The following SAMD12 variants were observed in gnomAD, a reference collection of about 807,000 sequenced individuals.
SAMD12 encodes the protein sterile alpha motif domain-containing protein 12.
SAMD12 carries 9 observed loss-of-function variants against 15.0 expected under a neutral mutation model. The ratio of observed to expected loss-of-function variants is 0.60; its 90% CI spans 0.36 to 1.05. SAMD12 has a LOEUF of 1.05. Ranked by LOEUF, SAMD12 falls within the 50% of genes least tolerant of loss-of-function variation. The pLI is 0.01. For missense variants in SAMD12, 230 were observed against 234.2 expected, an observed-to-expected ratio of 0.98 and a Z score of 0.12; for synonymous variants, 86 against 90.1, an observed-to-expected ratio of 0.96 and a Z score of 0.25.
At chr8:118,368,365 C>T (rs1034233941) in intron 4 of SAMD12, among the ~76,000 whole-genome samples, 1 of 152,170 alleles carries the variant, frequency 6.6e-6, no homozygotes, top group Non-Finnish European at 1.5e-5. Flanking sequence ...CATCCAAAAT[C>T]CTTATCTACC....
chr8:118,561,952 A>C (rs1167709976), intron 2 of SAMD12, among the ~76,000 whole-genome samples: 1 of 152,234 alleles, frequency 6.6e-6, no homozygotes, highest in Non-Finnish European at 1.5e-5. Flanking sequence ...TATTCAGTCC[A>C]CAAATATAGA....
chr8:118,152,794 T>C, the SAMD12 span, among the ~76,000 whole-genome samples: 149,321 of 152,298 alleles, frequency 0.98, 73,338 homozygotes, highest in Middle Eastern at 1. Context: ...CCACTGTGCC[T>C]GGCCAAGAAT....
intron 4 of SAMD12, among the ~76,000 whole-genome samples, chr8:118,369,141 C>T (rs1379822513): frequency 2.0e-5 from 3 of 152,270 alleles, no homozygotes; most frequent in East Asian, 3.9e-4. Flanking sequence ...ATAATGGATA[C>T]TATGTGATGA....
chr8:118,224,356 T>C (rs1812142417), intron 4 of SAMD12, among the ~76,000 whole-genome samples: 1 of 152,226 alleles, frequency 6.6e-6, no homozygotes, highest in African/African-American at 2.4e-5. Context: ...ATGTTACTAT[T>C]ATTATCCTTA....
chr8:118,279,015 A>G (rs552525264), intron 4 of SAMD12, among the ~76,000 whole-genome samples: 1 of 152,350 alleles, frequency 6.6e-6, no homozygotes, highest in African/African-American at 2.4e-5. Flanking sequence ...TAGCTCTGCT[A>G]TTAAAAATGA....
chr8:118,448,885 T>C lies in SAMD12; in HGVS notation c.193-8924A>G, dbSNP rs563495664. Among the ~76,000 whole-genome samples the C allele has an allele frequency of 1.8e-4, 28 of 152,280 alleles. No individual in the cohort carries two copies. The South Asian group carries it at 5.0e-3, about 27-fold the overall frequency. On this transcript the variant is annotated intron_variant, in intron 2 of 3. Transcript: ENST00000314727. ...TTCACTGCAAATAATACCTATCTTA[T>C]AGTTTGTGGAAGGATTAGAAATGGT...
chr8:118,604,757 T>C (rs1024597740), intron 1 of SAMD12, among the ~76,000 whole-genome samples: 14 of 151,794 alleles, frequency 9.2e-5, no homozygotes, highest in Admixed American at 2.6e-4. Flanking sequence ...CCGTCTCTAC[T>C]AAAAATAAAA....
chr8:118,221,439 C>T (rs916051981), intron 4 of SAMD12, among the ~76,000 whole-genome samples: 68 of 152,126 alleles, frequency 4.5e-4, no homozygotes, highest in African/African-American at 1.4e-3. Context: ...CATTTCTGGA[C>T]GTGAGTTTTG....
At chr8:118,181,922 G>A in the SAMD12 span, among the ~76,000 whole-genome samples, 49 of 152,320 alleles carry the variant, frequency 3.2e-4, no homozygotes, top group African/African-American at 1.1e-3. Flanking sequence ...TTAGTCATGA[G>A]CACAGTATTT....
rs577840661 is a variant in SAMD12, at chr8:118,401,035, T to A, written c.323-21335A>T. Among the ~76,000 whole-genome samples, 34 of 152,346 alleles carry A rather than the reference T, an allele frequency of 2.2e-4. No homozygotes were observed. In the South Asian group the frequency reaches 6.8e-3, roughly 31 times the overall value. On this transcript the variant is annotated intron_variant, in intron 3 of 3. Coordinates refer to ENST00000314727, the MANE Select transcript of SAMD12 (RefSeq NM_207506.3). ...AATGTGCCTAAACTGAACAATTAGA[T>A]GGCACCATCCTTACAATGATGTTAT... is the stretch of plus-strand genomic sequence containing the variant.
the SAMD12 span, among the ~76,000 whole-genome samples, chr8:118,158,561 AG>A: frequency 1.3e-5 from 2 of 152,244 alleles, no homozygotes; most frequent in Admixed American, 1.3e-4. Context: ...GAATGGAGGT[AG>A]AAAGTGGACA....
At chr8:118,424,159 A>G (rs1413773699) in intron 3 of SAMD12, among the ~76,000 whole-genome samples, 2 of 152,202 alleles carry the variant, frequency 1.3e-5, no homozygotes, top group African/African-American at 4.8e-5. Context: ...GATTAGTGAG[A>G]TGCTTCTAAA....
downstream of SAMD12, among the ~76,000 whole-genome samples, chr8:118,375,130 C>T (rs1046679934): frequency 3.3e-5 from 5 of 152,000 alleles, no homozygotes; most frequent in African/African-American, 1.2e-4. Context: ...GTTTGCCAAC[C>T]TCTGTCATAG....
intron 2 of SAMD12, among the ~76,000 whole-genome samples, chr8:118,521,899 T>C (rs1825397340): frequency 6.6e-6 from 1 of 152,100 alleles, no homozygotes; most frequent in African/African-American, 2.4e-5. Context: ...TTGCTTAGTT[T>C]TTCAAACCCA....
chr8:118,134,066 G>A, the SAMD12 span, among the ~76,000 whole-genome samples: 5 of 152,188 alleles, frequency 3.3e-5, no homozygotes, highest in African/African-American at 1.2e-4. Context: ...TGGTACTGAG[G>A]TTACTAAATT....
chr8:118,529,729 C>CT (rs1163444135), intron 2 of SAMD12, among the ~76,000 whole-genome samples: 1 of 152,112 alleles, frequency 6.6e-6, no homozygotes, highest in Non-Finnish European at 1.5e-5. Context: ...TAATTTTATT[C>CT]TTTTTTATGG....
chr8:118,547,535 A>G (rs1285288723), intron 2 of SAMD12, among the ~76,000 whole-genome samples: 3 of 152,196 alleles, frequency 2.0e-5, no homozygotes, highest in Admixed American at 6.5e-5. Context: ...TGCACCTTAC[A>G]CAGTACTTAG....
chr8:118,436,513 C>T (rs1324317791), intron 3 of SAMD12, among the ~76,000 whole-genome samples: 1 of 152,094 alleles, frequency 6.6e-6, no homozygotes, highest in African/African-American at 2.4e-5. Context: ...GACCATGTGC[C>T]TCTAAATCAA....
intron 2 of SAMD12, among the ~76,000 whole-genome samples, chr8:118,470,397 C>A (rs1329996569): frequency 6.6e-6 from 1 of 151,934 alleles, no homozygotes; most frequent in Non-Finnish European, 1.5e-5. Context: ...CTTTGGAAGC[C>A]CCTTCTTTTT....
Sources: allele counts gnomAD v4.1 joint callset (sites outside exome capture counted in the v4.1 genomes callset), GRCh38; gene constraint gnomAD v4.1.1; transcripts MANE v1.5; gene names NCBI Gene and HGNC (gene_info 2026-07-23, HGNC 2026-07-21).